The following P2RX7 variants were observed in gnomAD, a reference collection of about 807,000 sequenced individuals.
P2RX7 encodes P2X purinoceptor 7.
Under a neutral mutation model 71.6 loss-of-function variants are expected in P2RX7, and 62 were observed. The ratio of observed to expected loss-of-function variants is 0.87; its 90% CI spans 0.71 to 1.07. The LOEUF is 1.07. P2RX7 is among the 50% of genes least tolerant of loss of function. P2RX7 has a pLI of 0.00. For missense variants in P2RX7, 686 were observed against 748.5 expected (o/e 0.92, Z 0.97); for synonymous variants, 299 against 283.3 (o/e 1.06, Z -0.56).
At chr12:121,171,568 A>G (rs1365025753) in intron 8 of P2RX7, among the ~76,000 whole-genome samples, 1 of 151,880 alleles carries the variant, frequency 6.6e-6, no homozygotes, top group Non-Finnish European at 1.5e-5. Context: ...ACTTAATTAT[A>G]TCTGCAAACA....
intron 1 of P2RX7, among the ~76,000 whole-genome samples, chr12:121,141,909 G>C (rs923419274): frequency 5.3e-5 from 8 of 152,214 alleles, no homozygotes; most frequent in African/African-American, 1.9e-4. Context: ...CTTGCAGCTA[G>C]GACACAACAG....
chr12:121,160,531 G>C (rs1319065442), intron 3 of P2RX7, among the ~76,000 whole-genome samples: 1 of 152,040 alleles, frequency 6.6e-6, no homozygotes, highest in East Asian at 1.9e-4. Flanking sequence ...CCTGTCCCTG[G>C]CCACAGTCTA....
chr12:121,141,219 G>A (rs528752838), intron 1 of P2RX7, among the ~76,000 whole-genome samples: 2 of 152,178 alleles, frequency 1.3e-5, no homozygotes, highest in African/African-American at 4.8e-5. Flanking sequence ...CATGTCAAAA[G>A]ATAAGCATGA....
chr12:121,177,085 G>A, intron 9 of P2RX7, 62 bp from the exon 10 acceptor site: 2 of 1,458,230 alleles, frequency 1.4e-6, no homozygotes, highest in Non-Finnish European at 1.9e-6. Flanking sequence ...ACAATTGCAC[G>A]TTGAAGCAAA....
In P2RX7 at chr12:121,160,932, G is replaced by A; in HGVS notation, c.394G>A (p.Asp132Asn). The A allele has an allele frequency of 2.5e-6, 4 of 1,614,066 alleles. No homozygotes were observed. Among genetic ancestry groups the A allele is most frequent in the Non-Finnish European group, 3.4e-6 (4 of 1,179,954 alleles). The change falls in exon 4 of 13, where the codon GAC becomes AAC. Residue 132 changes from aspartate to asparagine, a missense_variant. Asp to Asn is a conservative substitution (Grantham distance 23, BLOSUM62 1). Transcript: ENST00000328963. ...CACCCGCAGGACGCTCTGTTCCTCT[G>A]ACCGAGGTTGTAAAAAGGGATGGAT... ...YPTRRTLCSS[D>N]RGCKKGWMDP...
intron 1 of P2RX7, among the ~76,000 whole-genome samples, chr12:121,137,257 T>C (rs1441319307): frequency 6.6e-6 from 1 of 152,172 alleles, no homozygotes; most frequent in Non-Finnish European, 1.5e-5. Flanking sequence ...CTCTACTTAT[T>C]AATCTAGGTA....
chr12:121,150,073 T>G (rs1335636343), intron 1 of P2RX7, among the ~76,000 whole-genome samples: 1 of 152,202 alleles, frequency 6.6e-6, no homozygotes, highest in Admixed American at 6.5e-5. Flanking sequence ...ATGGCTCACC[T>G]TAGTCACCAA....
At chr12:121,177,524 C>A in intron 11 of P2RX7, 78 bp downstream of exon 11, 1 of 1,389,182 alleles carries the variant, frequency 7.2e-7, no homozygotes, top group Non-Finnish European at 1.0e-6. Flanking sequence ...GAAAATTAGG[C>A]CCAAATCACA....
In P2RX7 at chr12:121,147,159, T is replaced by C. The variant is rs941683766; in HGVS notation, c.126-7626T>C. Among the ~76,000 whole-genome samples the C allele has an allele frequency of 4.6e-5, 7 of 152,342 alleles. 1 individual carries two copies. The highest frequency in any genetic ancestry group is 4.6e-4 in the Admixed American group (7 of 15,308). On this transcript the variant is annotated intron_variant, in intron 1 of 12. Coordinates refer to ENST00000328963, the MANE Select transcript of P2RX7 (RefSeq NM_002562.6). ...ATTCGAAAAAGTATTCCATTCACTG[T>C]AGCATTTAAGAAAGCTGAGGCTGTG...
chr12:121,159,262 C>G (rs541003406), intron 3 of P2RX7, among the ~76,000 whole-genome samples: 1 of 151,758 alleles, frequency 6.6e-6, no homozygotes, highest in Admixed American at 6.6e-5. Flanking sequence ...ACTAAAAATA[C>G]AAAAATTAGC....
At chr12:121,138,392 G>A (rs527557126) in intron 1 of P2RX7, among the ~76,000 whole-genome samples, 14 of 152,358 alleles carry the variant, frequency 9.2e-5, no homozygotes, top group Admixed American at 2.6e-4. Context: ...AAAGTCCCAG[G>A]AAAGACTCTG....
intron 3 of P2RX7, among the ~76,000 whole-genome samples, chr12:121,160,266 G>GC (rs1387774314): frequency 6.6e-6 from 1 of 151,960 alleles, no homozygotes; most frequent in Non-Finnish European, 1.5e-5. Context: ...TCCTGCCTCA[G>GC]CCCCCCTAGT....
intron 8 of P2RX7, among the ~76,000 whole-genome samples, chr12:121,168,125 T>C (rs746907151): frequency 6.6e-6 from 1 of 152,060 alleles, no homozygotes; most frequent in Non-Finnish European, 1.5e-5. Context: ...TAATAGCATA[T>C]ATATATATAT....
intron 1 of P2RX7, 95 bp downstream of exon 1, chr12:121,133,190 A>G (rs1352735298): frequency 2.8e-6 from 4 of 1,412,654 alleles, no homozygotes; most frequent in Non-Finnish European, 4.0e-6. Context: ...TGAATCTCAC[A>G]TGGTTTTCGA....
At chr12:121,162,294 C>T in intron 4 of P2RX7, 130 bp from the exon 5 acceptor site, 2 of 1,454,630 alleles carry the variant, frequency 1.4e-6, no homozygotes, top group Non-Finnish European at 1.8e-6. Context: ...GAAGCTGAAG[C>T]TGCGTGGGTT....
intron 7 of P2RX7, among the ~76,000 whole-genome samples, chr12:121,167,069 A>G (rs1881216225): frequency 6.8e-6 from 1 of 146,360 alleles, no homozygotes; most frequent in Non-Finnish European, 1.5e-5. Flanking sequence ...AAAAAAAAAA[A>G]TCCTTCATGT....
At chr12:121,136,100 T>A (rs1428221577) in intron 1 of P2RX7, among the ~76,000 whole-genome samples, 2 of 143,446 alleles carry the variant, frequency 1.4e-5, no homozygotes, top group African/African-American at 5.1e-5. Flanking sequence ...ATATTTATAT[T>A]TTTTATATAT....
chr12:121,158,279 G>A (rs978973050), intron 3 of P2RX7, among the ~76,000 whole-genome samples: 1 of 152,182 alleles, frequency 6.6e-6, no homozygotes, highest in African/African-American at 2.4e-5. Context: ...AGTTCAGCTG[G>A]TTGGTTCTTC....
In P2RX7 at chr12:121,177,419, G is replaced by C. The variant is rs1883343678; in HGVS notation, c.1161G>C (p.Lys387Asn). Residue 387 changes from lysine to asparagine, a missense_variant, in exon 11 of 13, where the codon AAG (lysine) becomes AAC (asparagine). Coordinates refer to ENST00000328963, the MANE Select transcript of P2RX7 (RefSeq NM_002562.6). Reference protein sequence around the residue: ...CVVNEYYYRKKCESIVEPKPT... With the variant: ...CVVNEYYYRKNCESIVEPKPT... ...TCAACGAATACTACTACAGGAAGAA[G>C]TGCGAGTCCATTGTGGAGCCAAAGC... 2 of 1,613,456 alleles carry C rather than the reference G, an allele frequency of 1.2e-6. No individual in the cohort carries two copies. The highest frequency in any genetic ancestry group is 2.7e-5 in the African/African-American group (2 of 74,912).
Sources: allele counts gnomAD v4.1 joint callset (sites outside exome capture counted in the v4.1 genomes callset), GRCh38; gene constraint gnomAD v4.1.1; transcripts MANE v1.5; gene names NCBI Gene and HGNC (gene_info 2026-07-23, HGNC 2026-07-21).